The following TRPS1 variants were observed in gnomAD, a reference collection of about 807,000 sequenced individuals.
The protein encoded by TRPS1 is zinc finger transcription factor Trps1.
A neutral mutation model predicts 101.2 loss-of-function variants in TRPS1; 6 were observed. The ratio of observed to expected loss-of-function variants is 0.06; its 90% confidence interval spans 0.03 to 0.12. The LOEUF (loss-of-function observed/expected upper bound fraction) is 0.12, where lower values mean the gene tolerates loss of function less well. TRPS1 is among the 10% of genes least tolerant of loss of function. The probability of loss-of-function intolerance (pLI) is 1.00; values close to 1 mark genes in which losing one functional copy is unlikely to be tolerated. For missense variants in TRPS1, 1,363 were observed against 1,567.0 expected (o/e 0.87, Z 2.20); for synonymous variants, 578 against 589.8 (o/e 0.98, Z 0.29).
chr8:115,665,984 C>T (rs1453898197), intron 1 of TRPS1, among the ~76,000 whole-genome samples: 2 of 152,134 alleles, frequency 1.3e-5, no homozygotes, highest in Non-Finnish European at 2.9e-5. Context: ...AATAATACTT[C>T]GCCAACAGAG....
At chr8:115,484,090 G>T (rs559373004) in intron 5 of TRPS1, among the ~76,000 whole-genome samples, 1 of 151,906 alleles carries the variant, frequency 6.6e-6, no homozygotes, top group Non-Finnish European at 1.5e-5. Flanking sequence ...ATGGGATGAG[G>T]TCATGATAAA....
chr8:115,517,486 C>T (rs980863577), intron 5 of TRPS1, among the ~76,000 whole-genome samples: 5 of 151,194 alleles, frequency 3.3e-5, no homozygotes, highest in Admixed American at 6.6e-5. Context: ...CGATGGGAGA[C>T]GATGCCAAAG....
intron 4 of TRPS1, among the ~76,000 whole-genome samples, chr8:115,591,509 GT>G: frequency 6.6e-6 from 1 of 152,104 alleles, no homozygotes; most frequent in African/African-American, 2.4e-5. Flanking sequence ...CTGAGACAAG[GT>G]GTCTGAGTCT....
intron 5 of TRPS1, among the ~76,000 whole-genome samples, chr8:115,550,756 T>A (rs759710207): frequency 9.9e-5 from 15 of 152,200 alleles, no homozygotes; most frequent in Non-Finnish European, 2.1e-4. Flanking sequence ...ATAACTACCC[T>A]GCAAGTCTCT....
chr8:115,462,390 T>C (rs147539342), intron 5 of TRPS1, among the ~76,000 whole-genome samples: 1 of 152,288 alleles, frequency 6.6e-6, no homozygotes, highest in African/African-American at 2.4e-5. Flanking sequence ...CTCTTGCTGT[T>C]TTGTGACCCT....
At chr8:115,630,162 C>T (rs1424872635) in intron 1 of TRPS1, among the ~76,000 whole-genome samples, 2 of 151,896 alleles carry the variant, frequency 1.3e-5, no homozygotes, top group South Asian at 4.1e-4. Context: ...GAGAGGATGA[C>T]CACAAGTTCC....
chr8:115,444,532 T>C (rs756695448), intron 5 of TRPS1, among the ~76,000 whole-genome samples: 2 of 152,238 alleles, frequency 1.3e-5, no homozygotes, highest in Non-Finnish European at 2.9e-5. Flanking sequence ...TTATTGGTAG[T>C]TCTAACATTT....
chr8:115,486,966 C>G (rs1346461910), intron 5 of TRPS1, among the ~76,000 whole-genome samples: 1 of 152,158 alleles, frequency 6.6e-6, no homozygotes, highest in Admixed American at 6.6e-5. Flanking sequence ...CAGTTTTCTA[C>G]TGGTAAAAGG....
intron 5 of TRPS1, among the ~76,000 whole-genome samples, chr8:115,567,695 C>T (rs1817101205): frequency 6.6e-6 from 1 of 152,118 alleles, no homozygotes; most frequent in Non-Finnish European, 1.5e-5. Flanking sequence ...GTCACACCAA[C>T]ACCATCTGGG....
At chr8:115,416,114 T>C (rs1200641811) in intron 6 of TRPS1, among the ~76,000 whole-genome samples, 1 of 152,098 alleles carries the variant, frequency 6.6e-6, no homozygotes, top group African/African-American at 2.4e-5. Context: ...ATGTGTAGCT[T>C]TGGTTTAAAT....
Position 115,619,348 on chromosome 8 carries a change from T to C in TRPS1, c.750A>G (p.Thr250=), listed in dbSNP as rs765098676. The C allele has an allele frequency of 1.2e-6, 2 of 1,614,240 alleles. No homozygotes were observed. Among genetic ancestry groups the C allele is most frequent in the South Asian group, 1.1e-5 (1 of 91,092 alleles). ...CGYGYYGNDP[T]DLIKHFRKYH... is the part of the protein sequence containing the mutation. ...ACTTTCGGAAGTGCTTAATCAGATC[T>C]GTGGGGTCGTTGCCGTAGTAACCAT... The change falls in exon 3 of 7, where the codon ACA becomes ACG. Residue 250 remains threonine, a synonymous_variant. Transcript: ENST00000395715.
At chr8:115,614,597 G>C (rs1818238325) in intron 3 of TRPS1, among the ~76,000 whole-genome samples, 1 of 152,162 alleles carries the variant, frequency 6.6e-6, no homozygotes, top group African/African-American at 2.4e-5. Context: ...TACTTGTTAA[G>C]GAGACACAGT....
At chr8:115,544,669 T>C (rs1285511498) in intron 5 of TRPS1, among the ~76,000 whole-genome samples, 1 of 152,196 alleles carries the variant, frequency 6.6e-6, no homozygotes, top group East Asian at 1.9e-4. Context: ...ACAACCATTT[T>C]TGCCTGATAT....
In TRPS1 at chr8:115,665,382, T is replaced by C. The variant is rs536606957; in HGVS notation, c.-122+3163A>G. On this transcript the variant is annotated intron_variant, in intron 1 of 6. Transcript: ENST00000395715. ...ACACATACACATATACATCTAATAA[T>C]AGTAGTGATAATAGAACCGTCACTG... 3.9e-5 allele frequency among the ~76,000 whole-genome samples: 6 copies of C among 152,288 alleles called. No homozygotes were observed. The East Asian group carries it at 9.6e-4, about 24-fold the overall frequency.
chr8:115,605,261 T>C (rs780078110), intron 3 of TRPS1, among the ~76,000 whole-genome samples: 1 of 152,160 alleles, frequency 6.6e-6, no homozygotes, highest in Non-Finnish European at 1.5e-5. Context: ...TGCACTATAA[T>C]TTGAAAGACT....
intron 5 of TRPS1, among the ~76,000 whole-genome samples, chr8:115,569,981 A>T (rs1817162511): frequency 6.6e-6 from 1 of 152,096 alleles, no homozygotes. Context: ...TTAGGTTTGA[A>T]CTGAAACTTT....
At chr8:115,546,581 G>GACACACACACACAC (rs71287285) in intron 5 of TRPS1, among the ~76,000 whole-genome samples, 177 of 147,912 alleles carry the variant, frequency 1.2e-3, no homozygotes, top group Middle Eastern at 6.9e-3. Context: ...TGTAAAATGT[G>GACACACACACACAC]ACACACACAC....
At chr8:115,599,466 T>C (rs959764799) in intron 4 of TRPS1, among the ~76,000 whole-genome samples, 12 of 152,010 alleles carry the variant, frequency 7.9e-5, no homozygotes, top group African/African-American at 2.9e-4. Context: ...CATTAGGTAT[T>C]TGTCCTAATG....
chr8:115,580,737 A>T (rs1817428105), intron 5 of TRPS1, among the ~76,000 whole-genome samples: 1 of 152,132 alleles, frequency 6.6e-6, no homozygotes, highest in Non-Finnish European at 1.5e-5. Flanking sequence ...CAGACCTCAC[A>T]AACAGCCTAG....
Sources: allele counts gnomAD v4.1 joint callset (sites outside exome capture counted in the v4.1 genomes callset), GRCh38; gene constraint gnomAD v4.1.1; transcripts MANE v1.5; gene names NCBI Gene and HGNC (gene_info 2026-07-23, HGNC 2026-07-21).